GALNTL6: variants seen among roughly 807,000 people sequenced by gnomAD.
GALNTL6 encodes polypeptide N-acetylgalactosaminyltransferase like 6.
Under a neutral mutation model 73.7 loss-of-function variants are expected in GALNTL6, and 46 were observed. The ratio of observed to expected loss-of-function variants is 0.62; its 90% CI spans 0.49 to 0.80. The LOEUF is 0.80. Among genes scored for constraint, GALNTL6 ranks in the 30% least tolerant of loss-of-function variants. GALNTL6 has a pLI of 0.00. For missense variants in GALNTL6, 604 were observed against 755.0 expected, an observed-to-expected ratio of 0.80 and a Z score of 2.34; for synonymous variants, 259 against 263.7, an observed-to-expected ratio of 0.98 and a Z score of 0.17.
chr4:172,979,067 C>T (rs1750962661), intron 10 of GALNTL6, among the ~76,000 whole-genome samples: 1 of 152,204 alleles, frequency 6.6e-6, no homozygotes, highest in African/African-American at 2.4e-5. Context: ...ACGTAAGTCA[C>T]CTGTTAGTTT....
chr4:172,625,144 TA>T (rs1307897273), intron 5 of GALNTL6, among the ~76,000 whole-genome samples: 2 of 151,890 alleles, frequency 1.3e-5, no homozygotes, highest in Non-Finnish European at 2.9e-5. Context: ...TATAGGGACA[TA>T]AAAAAAACTT....
intron 2 of GALNTL6, among the ~76,000 whole-genome samples, chr4:172,045,487 AT>A (rs1040324526): frequency 6.6e-6 from 1 of 152,010 alleles, no homozygotes; most frequent in African/African-American, 2.4e-5. Flanking sequence ...ACATTTTGAG[AT>A]TTTTTTAAAG....
chr4:172,589,385 A>G (rs527320521), intron 5 of GALNTL6, among the ~76,000 whole-genome samples: 4 of 152,328 alleles, frequency 2.6e-5, no homozygotes, highest in Admixed American at 1.3e-4. Context: ...TTTGAACTTG[A>G]GAATCTTTTA....
intron 2 of GALNTL6, among the ~76,000 whole-genome samples, chr4:171,856,091 T>TGTTGTTGTTGTTGTA (rs1188227768): frequency 6.6e-6 from 1 of 152,028 alleles, no homozygotes; most frequent in African/African-American, 2.4e-5. Context: ...AGAACAGATT[T>TGTTGTTGTTGTTGTA]GTTGTTGTTG....
chr4:172,651,194 C>T (rs922536854), intron 5 of GALNTL6, among the ~76,000 whole-genome samples: 1 of 152,146 alleles, frequency 6.6e-6, no homozygotes, highest in Non-Finnish European at 1.5e-5. Context: ...CAAACAAAAA[C>T]AGTAGGACCT....
intron 2 of GALNTL6, among the ~76,000 whole-genome samples, chr4:172,034,421 T>C (rs765769852): frequency 5.9e-5 from 4 of 67,804 alleles, no homozygotes; most frequent in African/African-American, 9.4e-5. Context: ...TGTGTGTGTG[T>C]GTGTGTGTGT....
chr4:172,993,285 A>G (rs1751623644), intron 10 of GALNTL6, among the ~76,000 whole-genome samples: 1 of 152,218 alleles, frequency 6.6e-6, no homozygotes, highest in Non-Finnish European at 1.5e-5. Flanking sequence ...ACACAGGTAA[A>G]AAGTGGCCAT....
At chr4:172,367,211 G>A (rs1742598932) in intron 5 of GALNTL6, among the ~76,000 whole-genome samples, 2 of 152,126 alleles carry the variant, frequency 1.3e-5, no homozygotes, top group South Asian at 4.1e-4. Flanking sequence ...GATCTCGTTG[G>A]CATTTGTTTC....
chr4:172,456,336 T>G (rs1732398362), intron 5 of GALNTL6, among the ~76,000 whole-genome samples: 1 of 151,586 alleles, frequency 6.6e-6, no homozygotes, highest in Non-Finnish European at 1.5e-5. Context: ...GAAACAAAAC[T>G]GGACAGAGAA....
At chr4:172,150,060 C>T (rs1734036749) in intron 2 of GALNTL6, among the ~76,000 whole-genome samples, 2 of 152,096 alleles carry the variant, frequency 1.3e-5, no homozygotes, top group African/African-American at 4.8e-5. Context: ...GAAGAACTCA[C>T]CCCCATACCT....
At chr4:172,109,013 C>CAAAAAAAA (rs202017302) in intron 2 of GALNTL6, among the ~76,000 whole-genome samples, 9 of 108,336 alleles carry the variant, frequency 8.3e-5, no homozygotes, top group South Asian at 3.5e-4. Context: ...ACTCCATCTC[C>CAAAAAAAA]AAAAAAAAAA....
chr4:172,004,966 G>T (rs1031228480), intron 2 of GALNTL6, among the ~76,000 whole-genome samples: 1 of 151,520 alleles, frequency 6.6e-6, no homozygotes, highest in East Asian at 1.9e-4. Context: ...TTTTTAACCA[G>T]ATATAATTCT....
intron 2 of GALNTL6, among the ~76,000 whole-genome samples, chr4:172,090,596 C>T (rs1369237920): frequency 6.6e-6 from 1 of 151,800 alleles, no homozygotes; most frequent in Admixed American, 6.6e-5. Context: ...TGGATATTGC[C>T]CTTTGTCAGA....
intron 5 of GALNTL6, among the ~76,000 whole-genome samples, chr4:172,782,229 A>C (rs1739406812): frequency 6.6e-6 from 1 of 152,202 alleles, no homozygotes; most frequent in Non-Finnish European, 1.5e-5. Context: ...CATATGCACA[A>C]ATATATGCAT....
chr4:172,464,356 G>C (rs185379278), intron 5 of GALNTL6, among the ~76,000 whole-genome samples: 164 of 152,204 alleles, frequency 1.1e-3, no homozygotes, highest in African/African-American at 3.9e-3. Flanking sequence ...TAAATATTTT[G>C]TGAACATTAA....
At chr4:172,412,505 G>A (rs972228880) in intron 5 of GALNTL6, among the ~76,000 whole-genome samples, 3 of 152,098 alleles carry the variant, frequency 2.0e-5, no homozygotes, top group African/African-American at 4.8e-5. Flanking sequence ...ATAGCATAAC[G>A]CAAGCAAAAT....
At chr4:172,638,145 G>A (rs1422199986) in intron 5 of GALNTL6, among the ~76,000 whole-genome samples, 1 of 151,986 alleles carries the variant, frequency 6.6e-6, no homozygotes, top group East Asian at 1.9e-4. Context: ...ACACACACAT[G>A]CACACAAATC....
intron 12 of GALNTL6, among the ~76,000 whole-genome samples, chr4:173,035,039 C>T (rs1324312511): frequency 1.3e-5 from 2 of 151,768 alleles, no homozygotes; most frequent in African/African-American, 4.8e-5. Context: ...CAACCTAATT[C>T]ATATCCTACT....
chr4:172,173,082 G>C (rs6553613), intron 2 of GALNTL6, among the ~76,000 whole-genome samples: 9,783 of 152,188 alleles, frequency 0.064, 515 homozygotes, highest in African/African-American at 0.15. Flanking sequence ...TTGGCCATTT[G>C]ATGTCATTTG....
Sources: allele counts gnomAD v4.1 joint callset (sites outside exome capture counted in the v4.1 genomes callset), GRCh38; gene constraint gnomAD v4.1.1; transcripts MANE v1.5; gene names NCBI Gene and HGNC (gene_info 2026-07-23, HGNC 2026-07-21).